The following TEX29 variants were observed in gnomAD, a reference collection of about 807,000 sequenced individuals.
The protein encoded by TEX29 is testis expressed 29.
TEX29 carries 26 observed loss-of-function variants against 18.2 expected under a neutral mutation model. That is an observed-to-expected ratio of 1.43 (90% CI 1.04 to 1.98). TEX29 has a LOEUF of 1.98. Ranked by LOEUF, TEX29 falls within the 30% of genes most tolerant of loss-of-function variation. The probability of loss-of-function intolerance (pLI) is 0.00; values close to 1 mark genes in which losing one functional copy is unlikely to be tolerated. For synonymous variants in TEX29, 83 were observed against 78.5 expected (o/e 1.06, Z -0.31); for missense variants, 177 against 194.2 (o/e 0.91, Z 0.53).
chr13:111,329,387 G>T (rs1027366949), intron 3 of TEX29, among the ~76,000 whole-genome samples: 2 of 151,934 alleles, frequency 1.3e-5, no homozygotes, highest in Non-Finnish European at 2.9e-5. Context: ...AAGGCCCCTG[G>T]CTTTGTGCAG....
intron 3 of TEX29, among the ~76,000 whole-genome samples, chr13:111,335,557 A>G (rs1352286726): frequency 6.6e-6 from 1 of 152,250 alleles, no homozygotes; most frequent in African/African-American, 2.4e-5. Flanking sequence ...GCACATGCAG[A>G]GAGCAGCAGA....
chr13:111,320,992 A>AT, intron 2 of TEX29, 44 bp downstream of exon 2: 1 of 235,154 alleles, frequency 4.3e-6, no homozygotes, highest in Non-Finnish European at 7.6e-6. Context: ...GTGGGGGAGC[A>AT]GTTGGGGGGG....
In TEX29 at chr13:111,342,785, C is replaced by T. The variant is rs1169590624; in HGVS notation, c.269C>T (p.Ala90Val). The T allele has an allele frequency of 6.2e-7, 1 of 1,613,994 alleles. No homozygotes were observed. The highest frequency in any genetic ancestry group is 1.7e-5 in the Admixed American group (1 of 59,998). The change falls in exon 5 of 6, where the codon GCC becomes GTC. Residue 90 changes from alanine to valine, a missense_variant. Physicochemically the swap from Ala to Val is moderately conservative, Grantham distance 64. Coordinates refer to ENST00000283547, the MANE Select transcript of TEX29 (RefSeq NM_152324.3). ...RVIQESRKEKAIPVDVALPQK... is the reference protein window; with the variant it reads ...RVIQESRKEKVIPVDVALPQK... ...ATTCAGGAGAGCAGGAAAGAAAAGGCCATCCCTGTGGATGTCGCGCTGCCA... is the reference window on the plus strand; with the variant it reads ...ATTCAGGAGAGCAGGAAAGAAAAGGTCATCCCTGTGGATGTCGCGCTGCCA...
At chr13:111,316,657 C>T (rs1567154445), upstream of TEX29, among the ~76,000 whole-genome samples, 1 of 152,250 alleles carries the variant, frequency 6.6e-6, no homozygotes, top group Non-Finnish European at 1.5e-5. Context: ...ACACAGAATC[C>T]TTCAAGGACC....
upstream of TEX29, among the ~76,000 whole-genome samples, chr13:111,319,745 G>A (rs1263383343): frequency 6.6e-6 from 1 of 152,096 alleles, no homozygotes; most frequent in Non-Finnish European, 1.5e-5. Flanking sequence ...CTCCCGCCTT[G>A]CCCTACCAAG....
chr13:111,336,268 C>A (rs2153641919), intron 3 of TEX29, among the ~76,000 whole-genome samples: 1 of 152,318 alleles, frequency 6.6e-6, no homozygotes, highest in Non-Finnish European at 1.5e-5. Context: ...GTGGGCCCTG[C>A]CTTGGGGCTC....
chr13:111,329,445 G>A (rs935508105), intron 3 of TEX29, among the ~76,000 whole-genome samples: 5 of 151,104 alleles, frequency 3.3e-5, no homozygotes, highest in Admixed American at 6.6e-5. Context: ...TGCATTTCCC[G>A]CTAGACTGAG....
Position 111,342,889 on chromosome 13 carries a change from A to T in TEX29, c.373A>T (p.Ser125Cys). The change falls in exon 5 of 6, where the codon AGT becomes TGT. Residue 125 changes from serine (S) to cysteine (C), a missense_variant. Coordinates refer to ENST00000283547, the MANE Select transcript of TEX29 (RefSeq NM_152324.3). ...GLKPASPGPP[S>C]AGPSMKSDED... Reference sequence around the variant, plus strand: ...GAAGCCTGCGAGTCCTGGGCCTCCAAGTGCTGGGCCCTCGATGAAGAGTGA... The same window carrying T: ...GAAGCCTGCGAGTCCTGGGCCTCCATGTGCTGGGCCCTCGATGAAGAGTGA... 6.2e-7 allele frequency: 1 copy of T among 1,614,186 alleles called. No homozygotes were observed. The highest frequency in any genetic ancestry group is 8.5e-7 in the Non-Finnish European group (1 of 1,180,022).
intron 2 of TEX29, among the ~76,000 whole-genome samples, chr13:111,327,882 G>A (rs183120294): frequency 1.1e-4 from 17 of 152,346 alleles, no homozygotes; most frequent in Admixed American, 8.5e-4. Context: ...TGAGCCCCGC[G>A]CTTCTGTGGG....
upstream of TEX29, among the ~76,000 whole-genome samples, chr13:111,317,092 G>A (rs1265063209): frequency 6.6e-6 from 1 of 152,098 alleles, no homozygotes; most frequent in South Asian, 2.1e-4. Context: ...GGGACACAGA[G>A]CCAACCCAGA....
At chr13:111,340,143 A>C (rs1044872643) in intron 4 of TEX29, among the ~76,000 whole-genome samples, 1 of 148,710 alleles carries the variant, frequency 6.7e-6, no homozygotes, top group African/African-American at 2.5e-5. Flanking sequence ...ATCATAACCC[A>C]TGTTTAGTGA....
At chr13:111,323,600 T>G (rs1424514423) in intron 2 of TEX29, among the ~76,000 whole-genome samples, 1 of 152,210 alleles carries the variant, frequency 6.6e-6, no homozygotes, top group Admixed American at 6.5e-5. Context: ...CGGGGGTCTG[T>G]GGACATATTT....
At chr13:111,343,078 T>A in intron 5 of TEX29, 147 bp downstream of exon 5, 1 of 989,168 alleles carries the variant, frequency 1.0e-6, no homozygotes, top group Non-Finnish European at 1.4e-6. Context: ...AATTGTAATG[T>A]ACCCAACATT....
rs115204535 is a variant in TEX29, at chr13:111,331,380, C to T, written c.169+3087C>T. ...TCTGGAAGAAAAGTCTATTCAAGTCCTTTGCCCAGTTTTAAATTGGGTTAA... is the reference window on the plus strand; with the variant it reads ...TCTGGAAGAAAAGTCTATTCAAGTCTTTTGCCCAGTTTTAAATTGGGTTAA... On this transcript the variant is annotated intron_variant, in intron 3 of 5. Transcript: ENST00000283547. Among the ~76,000 whole-genome samples, 557 of 147,760 alleles carry T rather than the reference C, an allele frequency of 3.8e-3. 1 individual carries two copies. The highest frequency in any genetic ancestry group is 0.013 in the African/African-American group (534 of 39,680).
chr13:111,334,033 T>C (rs931460965), intron 3 of TEX29, among the ~76,000 whole-genome samples: 1 of 152,220 alleles, frequency 6.6e-6, no homozygotes, highest in Non-Finnish European at 1.5e-5. Flanking sequence ...ATGCTTAAAA[T>C]GGTTGATTTA....
intron 2 of TEX29, 40 bp downstream of exon 2, chr13:111,320,988 G>GGGGGGGGGGGGGGGGGGGGGGGGGGGCC: frequency 2.3e-6 from 1 of 431,434 alleles, no homozygotes; most frequent in Non-Finnish European, 4.3e-6. Flanking sequence ...TGGGGTGGGG[G>GGGGGGGGGGGGGGGGGGGGGGGGGGGCC]AGCAGTTGGG....
chr13:111,338,103 A>G (rs935934137), intron 3 of TEX29, among the ~76,000 whole-genome samples: 1 of 146,364 alleles, frequency 6.8e-6, no homozygotes, highest in Non-Finnish European at 1.6e-5. Flanking sequence ...CCAGGAGGCC[A>G]CTTTCTCTGC....
At chr13:111,326,428 C>T (rs61968038) in intron 2 of TEX29, among the ~76,000 whole-genome samples, 2,922 of 33,188 alleles carry the variant, frequency 0.088, 45 homozygotes, top group East Asian at 0.4. Context: ...CGGTGGGCAG[C>T]GTGAGCCTGG....
intron 2 of TEX29, among the ~76,000 whole-genome samples, chr13:111,323,320 T>G (rs1269166271): frequency 6.6e-6 from 1 of 152,188 alleles, no homozygotes; most frequent in Non-Finnish European, 1.5e-5. Context: ...GAAATGAGGA[T>G]GGGAGGATGA....
Sources: gnomAD v4.1 joint callset for allele counts (sites outside exome capture counted in the v4.1 genomes callset) on GRCh38, gnomAD v4.1.1 for gene constraint, MANE v1.5 for transcripts, NCBI Gene and HGNC (gene_info 2026-07-23, HGNC 2026-07-21) for gene names.